Variants in SEMA6D observed in about 807,000 individuals in gnomAD.
SEMA6D encodes semaphorin-6D.
Under a neutral mutation model 106.6 loss-of-function variants are expected in SEMA6D, and 35 were observed. The observed-to-expected ratio is 0.33, with a 90% confidence interval of 0.25 to 0.44. The LOEUF is 0.44. Ranked by LOEUF, SEMA6D falls within the 20% of genes least tolerant of loss-of-function variation. The pLI is 1.00. For synonymous variants in SEMA6D, 499 were observed against 487.7 expected (o/e 1.02, Z -0.31); for missense variants, 1,185 against 1,345.9 (o/e 0.88, Z 1.87).
chr15:47,533,820 A>G (rs544994763), intron 3 of SEMA6D, among the ~76,000 whole-genome samples: 46 of 152,328 alleles, frequency 3.0e-4, no homozygotes, highest in African/African-American at 1.1e-3. Flanking sequence ...TAGAAGCCAA[A>G]ACTGGGATAC....
At chr15:47,428,813 C>T (rs924295285) in intron 2 of SEMA6D, among the ~76,000 whole-genome samples, 7 of 151,896 alleles carry the variant, frequency 4.6e-5, no homozygotes, top group Non-Finnish European at 2.9e-5. Context: ...TTTTGTCTCC[C>T]TGGCAATTGG....
chr15:47,236,840 C>A (rs2032576895), intron 1 of SEMA6D, among the ~76,000 whole-genome samples: 1 of 152,154 alleles, frequency 6.6e-6, no homozygotes. Flanking sequence ...TAGCACGGGA[C>A]TGGGATTCAA....
chr15:47,389,465 T>TTA (rs1457823278), intron 1 of SEMA6D, among the ~76,000 whole-genome samples: 1 of 152,112 alleles, frequency 6.6e-6, no homozygotes, highest in Non-Finnish European at 1.5e-5. Flanking sequence ...TTTGACCCAC[T>TTA]TATTCCATTT....
intron 1 of SEMA6D, among the ~76,000 whole-genome samples, chr15:47,721,154 T>C (rs1367115724): frequency 2.6e-5 from 4 of 152,152 alleles, no homozygotes; most frequent in African/African-American, 9.7e-5. Flanking sequence ...AGAGCAAAAA[T>C]AGAAGGAAAT....
chr15:47,432,484 C>CTA (rs905350396), intron 2 of SEMA6D, among the ~76,000 whole-genome samples: 23 of 109,512 alleles, frequency 2.1e-4, no homozygotes, highest in Middle Eastern at 5.6e-3. Flanking sequence ...ACATTTATTT[C>CTA]TATATATATA....
intron 3 of SEMA6D, among the ~76,000 whole-genome samples, chr15:47,595,022 T>C (rs889643389): frequency 1.3e-5 from 2 of 152,098 alleles, no homozygotes; most frequent in Non-Finnish European, 2.9e-5. Flanking sequence ...ATCTGGGAGA[T>C]ATCCAGGTGA....
intron 17 of SEMA6D, among the ~76,000 whole-genome samples, chr15:47,767,812 C>T (rs976262723): frequency 6.6e-6 from 1 of 152,164 alleles, no homozygotes; most frequent in African/African-American, 2.4e-5. Flanking sequence ...TAAGTTAACT[C>T]CCGGTCCTAT....
At chr15:47,624,233 T>G (rs2077162291) in intron 4 of SEMA6D, among the ~76,000 whole-genome samples, 1 of 152,224 alleles carries the variant, frequency 6.6e-6, no homozygotes, top group Non-Finnish European at 1.5e-5. Context: ...TTGGAAGACT[T>G]CCTTATCCCC....
chr15:47,354,696 C>T (rs1456177128), intron 1 of SEMA6D, among the ~76,000 whole-genome samples: 3 of 151,828 alleles, frequency 2.0e-5, no homozygotes, highest in South Asian at 2.1e-4. Context: ...CTGAATGGTG[C>T]CCACAGTGAT....
At chr15:47,657,719 C>CTTTTGTTTTTTTTT (rs2077825650) in intron 4 of SEMA6D, among the ~76,000 whole-genome samples, 1 of 54,654 alleles carries the variant, frequency 1.8e-5, no homozygotes, top group African/African-American at 8.5e-5. Flanking sequence ...GGCTTCATTT[C>CTTTTGTTTTTTTTT]TTTTTTTTTT....
At chr15:47,707,563 G>C (rs1340805197) in intron 4 of SEMA6D, among the ~76,000 whole-genome samples, 2 of 152,178 alleles carry the variant, frequency 1.3e-5, no homozygotes, top group African/African-American at 4.8e-5. Context: ...TGATTTCCAA[G>C]TTGGAGGACA....
intron 1 of SEMA6D, among the ~76,000 whole-genome samples, chr15:47,202,692 T>C (rs1894802162): frequency 6.6e-6 from 1 of 152,200 alleles, no homozygotes; most frequent in East Asian, 1.9e-4. Flanking sequence ...ATTCCTGTTC[T>C]AAAGCTTTTT....
At chr15:47,369,608 T>C (rs1274757317) in intron 1 of SEMA6D, among the ~76,000 whole-genome samples, 2 of 152,258 alleles carry the variant, frequency 1.3e-5, no homozygotes, top group Non-Finnish European at 2.9e-5. Context: ...TTTTGAACTT[T>C]ACTGATCATT....
At position 47,770,754 on chromosome 15, in the gene SEMA6D, A is replaced by T; in HGVS notation, c.2191A>T (p.Asn731Tyr). The T allele has an allele frequency of 1.2e-6, 2 of 1,614,128 alleles. No individual in the cohort carries two copies. Among genetic ancestry groups the T allele is most frequent in the Non-Finnish European group, 1.7e-6 (2 of 1,179,992 alleles). ...FDSPVKEYQQNIDSPKLYSNL... is the reference protein window; with the variant it reads ...FDSPVKEYQQYIDSPKLYSNL... ...CAGCCCTGTCAAGGAATACCAACAG[A>T]ATATTGATTCTCCTAAACTGTATAG... Residue 731 changes from asparagine (N) to tyrosine (Y), a missense_variant, in exon 19 of 19, where the codon AAT (asparagine) becomes TAT (tyrosine). Physicochemically the swap from Asn to Tyr is moderately radical, Grantham distance 143. Around this residue, in one of 3 missense-constraint regions of SEMA6D, gnomAD observed 750 missense variants for 783.5 expected, o/e 0.96. Transcript: ENST00000536845.
intron 1 of SEMA6D, among the ~76,000 whole-genome samples, chr15:47,207,872 T>C (rs905380481): frequency 2.6e-5 from 4 of 151,980 alleles, no homozygotes; most frequent in African/African-American, 9.7e-5. Flanking sequence ...GATGTCCATT[T>C]TACAGATGCC....
chr15:47,524,015 C>T (rs549880103), intron 3 of SEMA6D, among the ~76,000 whole-genome samples: 46 of 152,146 alleles, frequency 3.0e-4, no homozygotes, highest in Admixed American at 5.2e-4. Context: ...TACAAATATG[C>T]CTGCCTCCTG....
chr15:47,483,627 A>G (rs1159834998), intron 3 of SEMA6D, among the ~76,000 whole-genome samples: 2 of 152,144 alleles, frequency 1.3e-5, no homozygotes, highest in African/African-American at 4.8e-5. Context: ...TTTAAAAATC[A>G]TAGAAGGATT....
intron 1 of SEMA6D, among the ~76,000 whole-genome samples, chr15:47,240,868 A>G (rs551780570): frequency 6.6e-6 from 1 of 152,160 alleles, no homozygotes; most frequent in South Asian, 2.1e-4. Context: ...TGTAAATCCT[A>G]CTGATGACTG....
chr15:47,315,315 A>G (rs544560820), intron 1 of SEMA6D, among the ~76,000 whole-genome samples: 3 of 152,254 alleles, frequency 2.0e-5, no homozygotes, highest in Non-Finnish European at 4.4e-5. Context: ...TTGCATGTGG[A>G]TGTCCAGTTG....
Sources: allele counts gnomAD v4.1 joint callset (sites outside exome capture counted in the v4.1 genomes callset), GRCh38; gene constraint gnomAD v4.1.1; regional missense constraint gnomAD v4.1.1; transcripts MANE v1.5; gene names NCBI Gene and HGNC (gene_info 2026-07-23, HGNC 2026-07-21).